The following GRIK2 variants were observed in gnomAD, a reference collection of about 807,000 sequenced individuals.
GRIK2 encodes glutamate receptor ionotropic, kainate 2.
Under a neutral mutation model 100.3 loss-of-function variants are expected in GRIK2, and 32 were observed. The ratio of observed to expected loss-of-function variants is 0.32; its 90% CI spans 0.24 to 0.43. The LOEUF is 0.43. Ranked by LOEUF, GRIK2 falls within the 20% of genes least tolerant of loss-of-function variation. The probability of loss-of-function intolerance (pLI) is 1.00; values close to 1 mark genes in which losing one functional copy is unlikely to be tolerated. For synonymous variants in GRIK2, 417 were observed against 389.4 expected (o/e 1.07, Z -0.83); for missense variants, 843 against 1,114.9 (o/e 0.76, Z 3.47).
chr6:102,032,998 AG>A (rs1268651993), intron 14 of GRIK2, among the ~76,000 whole-genome samples: 2 of 151,262 alleles, frequency 1.3e-5, no homozygotes, highest in Non-Finnish European at 3.0e-5. Context: ...TGAAACTTGT[AG>A]GAAATCTTCC....
intron 2 of GRIK2, 90 bp from the exon 3 acceptor site, chr6:101,621,859 A>G: frequency 1.1e-6 from 1 of 874,076 alleles, no homozygotes; most frequent in Non-Finnish European, 1.8e-6. Flanking sequence ...ACATATATAA[A>G]AGTACAGAAA....
intron 12 of GRIK2, among the ~76,000 whole-genome samples, chr6:101,911,899 C>T (rs1397898188): frequency 6.6e-6 from 1 of 151,352 alleles, no homozygotes; most frequent in Non-Finnish European, 1.5e-5. Context: ...AAAGGTTTTA[C>T]AAAATCCTGT....
Position 101,923,948 on chromosome 6 carries a change from C to T in GRIK2, c.1749-653C>T, listed in dbSNP as rs964047683. 4.5e-5 allele frequency among the ~76,000 whole-genome samples: 6 copies of T among 133,602 alleles called. No homozygotes were observed. The East Asian group carries it at 1.1e-3, about 24-fold the overall frequency. 87.6% of individuals were successfully genotyped at this position (133,602 alleles called of 152,430 possible). ...TCCAAAAAAAAAAAAAAAAAAAAAACCACAACGCTTTGATACTTTGATATC... is the reference window on the plus strand; with the variant it reads ...TCCAAAAAAAAAAAAAAAAAAAAAATCACAACGCTTTGATACTTTGATATC... On this transcript the variant is annotated intron_variant, in intron 12 of 16. Transcript: ENST00000369134.
intron 2 of GRIK2, among the ~76,000 whole-genome samples, chr6:101,466,499 A>G (rs988902125): frequency 6.6e-6 from 1 of 151,992 alleles, no homozygotes; most frequent in Non-Finnish European, 1.5e-5. Flanking sequence ...GTTGCTGTGT[A>G]AATAAAACTA....
At chr6:101,832,281 G>A (rs1001211082) in intron 10 of GRIK2, among the ~76,000 whole-genome samples, 3 of 151,888 alleles carry the variant, frequency 2.0e-5, no homozygotes, top group South Asian at 4.2e-4. Context: ...ACAGTTATAA[G>A]ACTCACAATT....
At position 101,705,176 on chromosome 6, in the gene GRIK2, T is replaced by C. The variant is rs185606144; in HGVS notation, c.951+18823T>C. On this transcript the variant is annotated intron_variant, in intron 7 of 16. Coordinates refer to ENST00000369134, the MANE Select transcript of GRIK2 (RefSeq NM_021956.5). ...TGGTTTTTAATTTGGAAGCAGGAGC[T>C]TGGCATTAATGTGTATAACATAACC... Among the ~76,000 whole-genome samples the C allele has an allele frequency of 3.1e-3, 476 of 151,390 alleles. 4 individuals are homozygous for C. The highest frequency in any genetic ancestry group is 5.3e-3 in the Non-Finnish European group (358 of 67,668).
intron 2 of GRIK2, among the ~76,000 whole-genome samples, chr6:101,527,745 G>A (rs1449843836): frequency 6.6e-6 from 1 of 152,152 alleles, no homozygotes; most frequent in Non-Finnish European, 1.5e-5. Context: ...TAGAGGTACA[G>A]TCTAGTATGC....
chr6:101,597,790 T>C (rs543190912), intron 2 of GRIK2, among the ~76,000 whole-genome samples: 22 of 151,716 alleles, frequency 1.5e-4, no homozygotes, highest in Admixed American at 2.6e-4. Flanking sequence ...AGTAGAAGAG[T>C]TGTTAAAAAG....
At chr6:101,541,723 C>T (rs535822953) in intron 2 of GRIK2, among the ~76,000 whole-genome samples, 3 of 151,594 alleles carry the variant, frequency 2.0e-5, no homozygotes, top group African/African-American at 4.8e-5. Flanking sequence ...TTCATAGATA[C>T]GAGGGATGCA....
intron 2 of GRIK2, among the ~76,000 whole-genome samples, chr6:101,499,493 A>G (rs928732437): frequency 1.3e-4 from 20 of 152,260 alleles, no homozygotes; most frequent in African/African-American, 4.8e-4. Flanking sequence ...AAAAGTGGCA[A>G]TGATATTTAA....
intron 12 of GRIK2, among the ~76,000 whole-genome samples, chr6:101,902,705 T>C (rs1282298573): frequency 1.3e-5 from 2 of 151,916 alleles, no homozygotes; most frequent in Non-Finnish European, 2.9e-5. Context: ...TGGAAATTTT[T>C]TTAACTACAA....
At chr6:101,818,031 C>T (rs189022129) in intron 9 of GRIK2, among the ~76,000 whole-genome samples, 1 of 152,220 alleles carries the variant, frequency 6.6e-6, no homozygotes. Flanking sequence ...GAAATAGATC[C>T]ATTACAGTAA....
Position 102,069,469 on chromosome 6 carries a change from A to T in GRIK2, c.*958A>T, listed in dbSNP as rs1772167728. The T allele has an allele frequency of 6.6e-6, 1 of 151,806 alleles. No individual in the cohort carries two copies. The highest frequency in any genetic ancestry group is 1.5e-5 in the Non-Finnish European group (1 of 67,928). The allele number at this position is 151,806 out of a possible 1,614,324, so 9.4% of individuals were successfully genotyped here. A position where few individuals can be genotyped will look rare whatever the true frequency, so the allele number is the denominator to read the frequency against. ...TCTAACATTCAGACATAGCAATCCAAACCCTTGTTCCTGCTGTAAATGAAC... is the reference window on the plus strand; with the variant it reads ...TCTAACATTCAGACATAGCAATCCATACCCTTGTTCCTGCTGTAAATGAAC... On this transcript the variant is annotated 3_prime_UTR_variant, in exon 17 of 17. Transcript: ENST00000369134.
intron 2 of GRIK2, among the ~76,000 whole-genome samples, chr6:101,616,745 A>ATTTATTT (rs1779911451): frequency 6.6e-6 from 1 of 151,742 alleles, no homozygotes; most frequent in African/African-American, 2.4e-5. Context: ...GTTTGTGTCG[A>ATTTATTT]TTTATTTTTC....
chr6:102,013,402 CTT>C (rs1795653392), intron 14 of GRIK2, among the ~76,000 whole-genome samples: 1 of 152,066 alleles, frequency 6.6e-6, no homozygotes, highest in Non-Finnish European at 1.5e-5. Flanking sequence ...TAATCCCTCT[CTT>C]TCTACTTGGG....
intron 7 of GRIK2, among the ~76,000 whole-genome samples, chr6:101,711,732 T>C (rs1583004958): frequency 6.6e-6 from 1 of 151,804 alleles, no homozygotes; most frequent in East Asian, 1.9e-4. Flanking sequence ...ATCAAGATAG[T>C]AGAAAATTCT....
At chr6:101,399,971 A>G (rs1775199310) in intron 2 of GRIK2, among the ~76,000 whole-genome samples, 1 of 152,236 alleles carries the variant, frequency 6.6e-6, no homozygotes, top group African/African-American at 2.4e-5. Context: ...AGAGCTTTAA[A>G]AAATGTTCTA....
At chr6:101,903,939 A>T (rs781641001) in intron 12 of GRIK2, among the ~76,000 whole-genome samples, 1 of 151,646 alleles carries the variant, frequency 6.6e-6, no homozygotes, top group Non-Finnish European at 1.5e-5. Context: ...GGTCAGGAGA[A>T]CTATGTAGTA....
At chr6:101,772,665 C>G (rs1470917004) in intron 7 of GRIK2, among the ~76,000 whole-genome samples, 1 of 151,284 alleles carries the variant, frequency 6.6e-6, no homozygotes, top group Non-Finnish European at 1.5e-5. Flanking sequence ...CTGGTTTGAT[C>G]TCTTCCCTAA....
Sources: gnomAD v4.1 joint callset for allele counts (sites outside exome capture counted in the v4.1 genomes callset) on GRCh38, gnomAD v4.1.1 for gene constraint, MANE v1.5 for transcripts, NCBI Gene and HGNC (gene_info 2026-07-23, HGNC 2026-07-21) for gene names.